NAV2: variants seen among roughly 807,000 people sequenced by gnomAD.
NAV2 encodes neuron navigator 2.
A neutral mutation model predicts 223.2 loss-of-function variants in NAV2; 54 were observed. The ratio of observed to expected loss-of-function variants is 0.24; its 90% CI spans 0.19 to 0.30. NAV2 has a LOEUF of 0.30. NAV2 is among the 10% of genes least tolerant of loss of function. NAV2 has a pLI of 1.00. For missense variants in NAV2, 2,806 were observed against 3,147.5 expected, an observed-to-expected ratio of 0.89 and a Z score of 2.60; for synonymous variants, 1,279 against 1,239.3, an observed-to-expected ratio of 1.03 and a Z score of -0.67.
chr11:19,630,166 A>C (rs1202714284), intron 1 of NAV2, among the ~76,000 whole-genome samples: 2 of 152,062 alleles, frequency 1.3e-5, no homozygotes, highest in African/African-American at 4.8e-5. Context: ...ATGCTCAATA[A>C]ATTATATATC....
chr11:19,599,944 C>T lies in NAV2; in HGVS notation c.76-232540C>T, dbSNP rs75917971. ...CTCTCTCTCCAAACTGAATTGCATC[C>T]GTGTCTTAGTTTGGATCCTCCAACA... On this transcript the variant is annotated intron_variant, in intron 1 of 37. Coordinates refer to the NAV2 transcript ENST00000360655. Among the ~76,000 whole-genome samples the T allele has an allele frequency of 5.2e-3, 793 of 152,300 alleles. 5 individuals carry two copies. The highest frequency in any genetic ancestry group is 0.018 in the African/African-American group (753 of 41,570).
At chr11:20,116,445 A>C (rs796754854) in intron 37 of NAV2, among the ~76,000 whole-genome samples, 9 of 152,366 alleles carry the variant, frequency 5.9e-5, no homozygotes, top group African/African-American at 2.2e-4. Flanking sequence ...CAAAGGAAAG[A>C]AGCATACTTT....
chr11:19,808,037 C>G (rs926217072), intron 1 of NAV2, among the ~76,000 whole-genome samples: 2 of 152,134 alleles, frequency 1.3e-5, no homozygotes, highest in African/African-American at 4.8e-5. Context: ...GGTATTGAGA[C>G]CTGGCTATGC....
intron 1 of NAV2, among the ~76,000 whole-genome samples, chr11:19,557,306 C>T (rs571027593): frequency 3.9e-5 from 6 of 152,278 alleles, no homozygotes; most frequent in African/African-American, 1.4e-4. Flanking sequence ...GAGTTTGAAC[C>T]GAGGTGTATC....
rs774676847 is a variant in NAV2, at chr11:20,093,217, CCCTGCTTTG to C, written c.5916+23_5916+31del. Reference sequence around the variant, plus strand: ...GGAAGGAGGTTAGTTGGATCCCTTTCCCTGCTTTGCCTGTCCCTCCCCCAGGTAGAACTA... The same window carrying C: ...GGAAGGAGGTTAGTTGGATCCCTTTCCCTGTCCCTCCCCCAGGTAGAACTA... On this transcript the variant is annotated intron_variant, in intron 29 of 37. Transcript: ENST00000349880. 9.8e-6 allele frequency: 15 copies of C among 1,535,336 alleles called. No homozygotes were observed. The East Asian group carries it at 3.4e-4, about 34-fold the overall frequency.
intron 1 of NAV2, among the ~76,000 whole-genome samples, chr11:19,463,345 T>C (rs1180969389): frequency 2.3e-4 from 35 of 152,232 alleles, no homozygotes; most frequent in Admixed American, 2.2e-3. Flanking sequence ...GCTCACAATC[T>C]ATTGCTAAAC....
chr11:19,529,305 T>C (rs561901568), intron 1 of NAV2, among the ~76,000 whole-genome samples: 7 of 152,324 alleles, frequency 4.6e-5, no homozygotes, highest in Admixed American at 2.0e-4. Flanking sequence ...TCTCATTGCA[T>C]TGATTAACAT....
At chr11:19,994,478 G>A (rs1388178758) in intron 11 of NAV2, among the ~76,000 whole-genome samples, 1 of 151,896 alleles carries the variant, frequency 6.6e-6, no homozygotes, top group Non-Finnish European at 1.5e-5. Flanking sequence ...ACCGGGAGGT[G>A]GAGGTTGCAG....
In NAV2 at chr11:20,048,981, A is replaced by T. The variant is rs1206189786; in HGVS notation, c.4156A>T (p.Thr1386Ser). Residue 1386 changes from threonine to serine, a missense_variant, in exon 15 of 38, where the codon ACC becomes TCC. Transcript: ENST00000349880. ...CCCTTCCAACAGCCTCACCTGGGGC[A>T]CCAACGCCAGCAGCTCCTCCGCAGT... ...SAPSNSLTWG[T>S]NASSSSAVSK... The T allele has an allele frequency of 1.2e-6, 2 of 1,614,134 alleles. No individual in the cohort carries two copies. The highest frequency in any genetic ancestry group is 1.1e-5 in the South Asian group (1 of 91,080).
intron 1 of NAV2, among the ~76,000 whole-genome samples, chr11:19,730,407 G>A (rs556761187): frequency 1.8e-4 from 28 of 152,180 alleles, no homozygotes; most frequent in Non-Finnish European, 2.2e-4. Flanking sequence ...CCTTCCAGAG[G>A]GGCTTGTTGC....
intron 1 of NAV2, among the ~76,000 whole-genome samples, chr11:19,501,838 T>C (rs968663286): frequency 6.6e-6 from 1 of 152,150 alleles, no homozygotes; most frequent in African/African-American, 2.4e-5. Context: ...ACAGGCAATA[T>C]TGCGCTCTGG....
chr11:19,447,959 C>T lies in NAV2; in HGVS notation c.75+96932C>T, dbSNP rs183254939. On this transcript the variant is annotated intron_variant, in intron 1 of 37. Coordinates refer to the NAV2 transcript ENST00000360655. ...CAAATCCAGACCCTCCCACCTTCCTCTCTCTCCTCTGACCAAACACGCACC... is the reference window on the plus strand; with the variant it reads ...CAAATCCAGACCCTCCCACCTTCCTTTCTCTCCTCTGACCAAACACGCACC... Among the ~76,000 whole-genome samples the T allele has an allele frequency of 1.6e-3, 247 of 152,288 alleles. 1 individual carries two copies. Among genetic ancestry groups the T allele is most frequent in the African/African-American group, 5.6e-3 (231 of 41,566 alleles).
intron 1 of NAV2, among the ~76,000 whole-genome samples, chr11:19,817,012 T>A (rs934053698): frequency 6.6e-6 from 1 of 152,064 alleles, no homozygotes; most frequent in African/African-American, 2.4e-5. Context: ...GGCTGTGTAA[T>A]CTTTCAGGAA....
At chr11:19,893,057 A>C (rs1381237347) in intron 6 of NAV2, among the ~76,000 whole-genome samples, 1 of 152,148 alleles carries the variant, frequency 6.6e-6, no homozygotes, top group African/African-American at 2.4e-5. Flanking sequence ...GGATTGGCTC[A>C]TTGAAGATCT....
intron 3 of NAV2, among the ~76,000 whole-genome samples, chr11:19,863,645 C>T (rs2061922878): frequency 6.6e-6 from 1 of 152,160 alleles, no homozygotes; most frequent in South Asian, 2.1e-4. Flanking sequence ...GTTACCCTCC[C>T]CTTGGCCGTG....
intron 5 of NAV2, among the ~76,000 whole-genome samples, chr11:19,886,141 C>A (rs1021570399): frequency 2.8e-5 from 4 of 144,736 alleles, no homozygotes; most frequent in Admixed American, 6.9e-5. Context: ...CCATACCCAG[C>A]TAATTTTTTT....
chr11:19,518,076 C>T lies in NAV2; in HGVS notation c.75+167049C>T, dbSNP rs140398695. Among the ~76,000 whole-genome samples the T allele has an allele frequency of 1.1e-4, 17 of 152,340 alleles. No individual in the cohort carries two copies. The East Asian group carries it at 3.3e-3, about 29-fold the overall frequency. ...AGAGAAGTAGGGTGAATAGAGTGGG[C>T]TATTGACTTCTTCCTTCTGGGCTTC... On this transcript the variant is annotated intron_variant, in intron 1 of 37. Transcript: ENST00000360655.
intron 1 of NAV2, among the ~76,000 whole-genome samples, chr11:19,468,542 T>G (rs933483347): frequency 6.6e-6 from 1 of 152,190 alleles, no homozygotes; most frequent in African/African-American, 2.4e-5. Context: ...CCTCTTCTTA[T>G]AAGGACATCA....
At chr11:19,420,345 T>C (rs1169678572) in intron 1 of NAV2, among the ~76,000 whole-genome samples, 1 of 152,224 alleles carries the variant, frequency 6.6e-6, no homozygotes, top group Admixed American at 6.5e-5. Context: ...GAGTGAAAAT[T>C]GGTGTGACTG....
Sources: allele counts gnomAD v4.1 joint callset (sites outside exome capture counted in the v4.1 genomes callset), GRCh38; gene constraint gnomAD v4.1.1; transcripts MANE v1.5; gene names NCBI Gene and HGNC (gene_info 2026-07-23, HGNC 2026-07-21).